Variants in MTOR observed in about 807,000 individuals in gnomAD.
The protein encoded by MTOR is mechanistic target of rapamycin kinase, also known as serine/threonine-protein kinase mTOR.
A neutral mutation model predicts 319.8 loss-of-function variants in MTOR; 70 were observed. The ratio of observed to expected loss-of-function variants is 0.22; its 90% CI spans 0.18 to 0.27. MTOR has a LOEUF of 0.27. MTOR is among the 10% of genes least tolerant of loss of function. The pLI, the probability that MTOR is intolerant of heterozygous loss-of-function variation, is 1.00. For missense variants in MTOR, 1,890 were observed against 3,274.4 expected (o/e 0.58, Z 10.32); for synonymous variants, 1,183 against 1,211.4 (o/e 0.98, Z 0.49).
At position 11,128,606 on chromosome 1, in the gene MTOR, A is replaced by G. The variant is rs752443663; in HGVS notation, c.5812-54T>C. The G allele has an allele frequency of 6.7e-5, 101 of 1,509,074 alleles. No homozygotes were observed. The highest frequency in any genetic ancestry group is 9.0e-5 in the Non-Finnish European group (98 of 1,085,552). 93.5% of individuals were successfully genotyped at this position (1,509,074 alleles called of 1,614,324 possible). ...CATATGAGACTTGAAACAACTAGTT[A>G]TTCTTCTAGGCAAAGATCAATTCTT... On this transcript the variant is annotated intron_variant, in intron 41 of 57. Coordinates refer to ENST00000361445, the MANE Select transcript of MTOR (RefSeq NM_004958.4). This position sits in a 1 kb window ranked among gnomAD's most constrained non-coding sequence, Gnocchi z 5.3.
chr1:11,109,382 A>C lies in MTOR; in HGVS notation c.7448-12T>G. 1 of 1,612,256 alleles carries C rather than the reference A, an allele frequency of 6.2e-7. No homozygotes were observed. Among genetic ancestry groups the C allele is most frequent in the Non-Finnish European group, 8.5e-7 (1 of 1,178,556 alleles). On this transcript the variant is annotated splice_polypyrimidine_tract_variant and intron_variant, in intron 55 of 57. Transcript: ENST00000361445. The surrounding 1 kb of genome is among the most constrained non-coding windows in gnomAD (Gnocchi z 4.0). Reference sequence around the variant, plus strand: ...CAAACCGTCTCCAACTGGAATACACAAAAGTAGAAATAACTGTAAGAATGG... The same window carrying C: ...CAAACCGTCTCCAACTGGAATACACCAAAGTAGAAATAACTGTAAGAATGG...
At position 11,128,501 on chromosome 1, in the gene MTOR, G is replaced by A. The variant is rs1345837094; in HGVS notation, c.5863C>T (p.Arg1955Cys). The change falls in exon 42 of 58, where the codon CGT (arginine) becomes TGT (cysteine). Residue 1955 changes from arginine to cysteine, a missense_variant. By Grantham distance (180) the Arg-to-Cys change is radical. Coordinates refer to ENST00000361445, the MANE Select transcript of MTOR (RefSeq NM_004958.4). The surrounding 1 kb of genome is among the most constrained non-coding windows in gnomAD (Gnocchi z 5.3). ...RIDTPRPLVG[R>C]LIHQLLTDIG... ...TCTGTGAGAAGCTGGTGAATGAGAC[G>A]TCCCACCAAGGGTCTGGGCGTATCA... 24 of 1,614,190 alleles carry A rather than the reference G, an allele frequency of 1.5e-5. No homozygotes were observed. The highest frequency in any genetic ancestry group is 2.0e-5 in the Non-Finnish European group (24 of 1,180,022).
Position 11,109,163 on chromosome 1 carries a change from C to T in MTOR, c.7528+127G>A, listed in dbSNP as rs1641728215. The T allele has an allele frequency of 5.4e-6, 4 of 746,844 alleles. No individual in the cohort carries two copies. Among genetic ancestry groups the T allele is most frequent in the African/African-American group, 1.8e-5 (1 of 56,684 alleles). 46.3% of individuals were successfully genotyped at this position (746,844 alleles called of 1,614,324 possible). On this transcript the variant is annotated intron_variant, in intron 56 of 57. Coordinates refer to ENST00000361445, the MANE Select transcript of MTOR (RefSeq NM_004958.4). This position sits in a 1 kb window ranked among gnomAD's most constrained non-coding sequence, Gnocchi z 4.0. ...TGTTTAACTGATGACCTCAAAGACA[C>T]TCTTTGTCAGCTGCATGGTGCCAAA...
chr1:11,126,722 T>G lies in MTOR; in HGVS notation c.6426A>C (p.Gly2142=). Residue 2142 remains glycine, a synonymous_variant, in exon 46 of 58, where the codon GGA becomes GGC. Coordinates refer to ENST00000361445, the MANE Select transcript of MTOR (RefSeq NM_004958.4). ...TGATTGGCTGGTTGGGGTCATATGT[T>G]CCTGGCACAGCCAATTCAAGGTCCC... The part of the protein sequence containing the change: ...MCRDLELAVP[G]TYDPNQPIIR... 6.2e-7 allele frequency: 1 copy of G among 1,614,058 alleles called. No homozygotes were observed.
rs375346615 is a variant in MTOR, at chr1:11,134,334, G to T, written c.5246+17C>A. 3 of 1,610,294 alleles carry T rather than the reference G, an allele frequency of 1.9e-6. No individual in the cohort carries two copies. Among genetic ancestry groups the T allele is most frequent in the Non-Finnish European group, 2.5e-6 (3 of 1,177,058 alleles). On this transcript the variant is annotated intron_variant, in intron 37 of 57. Coordinates refer to ENST00000361445, the MANE Select transcript of MTOR (RefSeq NM_004958.4). The stretch of plus-strand genomic sequence containing the variant: ...AGGGCTGGAATATGACTTGCCCCAG[G>T]TCAGTGGGGACCTCACCGGGCCATG...
rs373001650 is a variant in MTOR at position 11,235,108 on chromosome 1, C to T, written c.2209-843G>A. 3.3e-5 allele frequency among the ~76,000 whole-genome samples: 5 copies of T among 152,260 alleles called. No homozygotes were observed. The East Asian group carries it at 7.7e-4, about 23-fold the overall frequency. On this transcript the variant is annotated intron_variant, in intron 13 of 57. Transcript: ENST00000361445. ...GCCTGTTTTCCCCAGTCATAGCAGACCACAGGGAAAAGAAATGAAGGGGAT... is the reference window on the plus strand; with the variant it reads ...GCCTGTTTTCCCCAGTCATAGCAGATCACAGGGAAAAGAAATGAAGGGGAT...
At position 11,256,268 on chromosome 1, in the gene MTOR, C is replaced by T; in HGVS notation, c.505-76G>A. ...TCTCAGGAGTACAGTCTCTTGTCATCTTAGAGCCATACACACCAGGAACAG... is the reference window on the plus strand; with the variant it reads ...TCTCAGGAGTACAGTCTCTTGTCATTTTAGAGCCATACACACCAGGAACAG... On this transcript the variant is annotated intron_variant, in intron 4 of 57. Transcript: ENST00000361445. The T allele has an allele frequency of 2.0e-6, 3 of 1,533,838 alleles. No individual in the cohort carries two copies. The Admixed American group carries it at 6.0e-5, about 31-fold the overall frequency.
Position 11,234,224 on chromosome 1 carries a change from T to C in MTOR, c.2250A>G (p.Lys750=). The C allele has an allele frequency of 6.2e-7, 1 of 1,614,102 alleles. No homozygotes were observed. Among genetic ancestry groups the C allele is most frequent in the Non-Finnish European group, 8.5e-7 (1 of 1,179,990 alleles). The change falls in exon 14 of 58, where the codon AAA becomes AAG. Residue 750 remains lysine (K), a synonymous_variant. Coordinates refer to ENST00000361445, the MANE Select transcript of MTOR (RefSeq NM_004958.4). ...GCCCCAGCATGCGGGCACTCTGCTC[T>C]TTGATTCTTCCAATCCCACTGTGCT... ...ELEHSGIGRI[K]EQSARMLGHL...
At chr1:11,167,546 C>T (rs905965709) in intron 28 of MTOR, 29 bp from the exon 29 acceptor site, 2 of 1,585,838 alleles carry the variant, frequency 1.3e-6, no homozygotes, top group South Asian at 1.1e-5. Flanking sequence ...AAGGTAGTTA[C>T]ACTCAACAGG....
At position 11,240,534 on chromosome 1, in the gene MTOR, C is replaced by A; in HGVS notation, c.1555G>T (p.Ala519Ser). ...TGACGGCTCAGGTCGTAGAGCACTGCAGTGAGGGCAGGGCTGAGGGGAAGG... is the reference window on the plus strand; with the variant it reads ...TGACGGCTCAGGTCGTAGAGCACTGAAGTGAGGGCAGGGCTGAGGGGAAGG... ...LAVGLSPALT[A>S]VLYDLSRQIP... Residue 519 changes from alanine to serine, a missense_variant, in exon 11 of 58, where the codon GCA becomes TCA. Around this residue, in one of 15 missense-constraint regions of MTOR, gnomAD observed 418 missense variants for 543.1 expected, o/e 0.77. Transcript: ENST00000361445. 1 of 1,613,998 alleles carries A rather than the reference C, an allele frequency of 6.2e-7. No individual in the cohort carries two copies. Among genetic ancestry groups the A allele is most frequent in the Non-Finnish European group, 8.5e-7 (1 of 1,179,940 alleles).
intron 17 of MTOR, 61 bp from the exon 18 acceptor site, chr1:11,231,115 T>A (rs1647001441): frequency 5.0e-6 from 8 of 1,611,742 alleles, no homozygotes; most frequent in South Asian, 1.1e-5. Context: ...ACAACAAGTA[T>A]CACGGATACT....
chr1:11,252,631 ACTC>A (rs1454869978), intron 6 of MTOR, among the ~76,000 whole-genome samples: 2 of 151,838 alleles, frequency 1.3e-5, no homozygotes, highest in African/African-American at 4.8e-5. Context: ...CTGAAGCCAG[ACTC>A]CTCCTGCTTC....
chr1:11,239,903 A>AG, intron 11 of MTOR, among the ~76,000 whole-genome samples: 1 of 24,062 alleles, frequency 4.2e-5, no homozygotes, highest in African/African-American at 6.6e-5. Context: ...ACTTTGTCTC[A>AG]AAAAAAAAAA....
At chr1:11,233,523 T>TA (rs781752052) in intron 14 of MTOR, 36 bp from the exon 15 acceptor site, 2 of 1,493,014 alleles carry the variant, frequency 1.3e-6, no homozygotes, top group African/African-American at 2.8e-5. Context: ...GAATGCAGAT[T>TA]AGACTCTACT....
chr1:11,183,825 A>G (rs1432167989), intron 28 of MTOR, among the ~76,000 whole-genome samples: 1 of 152,210 alleles, frequency 6.6e-6, no homozygotes, highest in Non-Finnish European at 1.5e-5. Context: ...AGGGAAAAAA[A>G]AAAATTTTCT....
At chr1:11,126,873 G>C (rs2100398919) in intron 45 of MTOR, 77 bp from the exon 46 acceptor site, 1 of 1,579,436 alleles carries the variant, frequency 6.3e-7, no homozygotes, top group African/African-American at 1.4e-5. Context: ...TTTTTCAGTG[G>C]ATTGCTAATA....
intron 28 of MTOR, chr1:11,196,031 G>T (rs763917475): frequency 3.3e-5 from 5 of 152,188 alleles, no homozygotes; most frequent in Non-Finnish European, 5.9e-5. Flanking sequence ...AGGATAAAAA[G>T]TTAAAGTTAA....
At position 11,247,870 on chromosome 1, in the gene MTOR, G is replaced by A. The variant is rs747310061; in HGVS notation, c.1065C>T (p.Thr355=). Residue 355 remains threonine, a synonymous_variant, in exon 7 of 58, where the codon ACC becomes ACT. Transcript: ENST00000361445. Reference sequence around the variant, plus strand: ...CTCTGCAACACCGGCTCTCCACCAGGGTGGACTTAGCTGGACTGGGGGAGG... The same window carrying A: ...CTCTGCAACACCGGCTCTCCACCAGAGTGGACTTAGCTGGACTGGGGGAGG... The part of the protein sequence containing the change: ...FGTSPSPAKS[T]LVESRCCRDL... The A allele has an allele frequency of 6.2e-7, 1 of 1,614,146 alleles. No individual in the cohort carries two copies. Among genetic ancestry groups the A allele is most frequent in the Non-Finnish European group, 8.5e-7 (1 of 1,180,018 alleles).
chr1:11,193,528 TCCTGCCTTCTGCC>T, intron 28 of MTOR: 1 of 1,518,808 alleles, frequency 6.6e-7, no homozygotes, highest in Non-Finnish European at 8.9e-7. Context: ...GCCCTCTTGC[TCCTGCCTTCTGCC>T]CCTGCAAGTC....
Sources: allele counts gnomAD v4.1 joint callset (sites outside exome capture counted in the v4.1 genomes callset), GRCh38; gene constraint gnomAD v4.1.1; regional missense constraint gnomAD v4.1.1; non-coding constraint Gnocchi (gnomAD v3.1); transcripts MANE v1.5; gene names NCBI Gene and HGNC (gene_info 2026-07-23, HGNC 2026-07-21).